Variants in VPS13B observed in about 807,000 individuals in gnomAD.
The protein encoded by VPS13B is intermembrane lipid transfer protein VPS13B.
Under a neutral mutation model 426.4 loss-of-function variants are expected in VPS13B, and 285 were observed. That is an observed-to-expected ratio of 0.67 (90% CI 0.61 to 0.74). The LOEUF (loss-of-function observed/expected upper bound fraction) is 0.74. VPS13B is among the 30% of genes least tolerant of loss of function. The pLI is 0.00. For synonymous variants in VPS13B, 1,676 were observed against 1,676.4 expected (o/e 1.00, Z 0.01); for missense variants, 4,537 against 4,782.6 (o/e 0.95, Z 1.51).
rs1820057085 is a variant in VPS13B at position 99,481,889 on chromosome 8, C to T, written c.3870+87C>T. ...TCATGGTTTAAAATGAAGATAACCT[C>T]ACTACTGTGAAAACTGATAGATTCT... On this transcript the variant is annotated intron_variant, in intron 25 of 61. Transcript: ENST00000357162. 4 of 1,452,742 alleles carry T rather than the reference C, an allele frequency of 2.8e-6. No individual in the cohort carries two copies. In the Admixed American group the frequency reaches 7.7e-5, roughly 28 times the overall value. 90.0% of individuals were successfully genotyped at this position (1,452,742 alleles called of 1,614,324 possible).
chr8:99,857,738 C>G (rs914989789), intron 56 of VPS13B, among the ~76,000 whole-genome samples: 1 of 152,208 alleles, frequency 6.6e-6, no homozygotes, highest in African/African-American at 2.4e-5. Context: ...GGTCCATTCC[C>G]TGACCCAGAC....
intron 22 of VPS13B, among the ~76,000 whole-genome samples, chr8:99,441,031 C>T (rs1204635257): frequency 6.6e-6 from 1 of 152,048 alleles, no homozygotes; most frequent in Non-Finnish European, 1.5e-5. Context: ...ATATAGACTT[C>T]TATTTCAGAA....
At chr8:99,800,930 A>T (rs764704008) in intron 43 of VPS13B, among the ~76,000 whole-genome samples, 20 of 152,178 alleles carry the variant, frequency 1.3e-4, no homozygotes, top group Non-Finnish European at 2.6e-4. Context: ...ACCCTGACTT[A>T]CCCAGGGAAA....
At chr8:99,758,567 A>G (rs1191701254) in intron 39 of VPS13B, among the ~76,000 whole-genome samples, 1 of 152,240 alleles carries the variant, frequency 6.6e-6, no homozygotes. Flanking sequence ...CCAGGCCTCA[A>G]GAAGTAGTAG....
At chr8:99,357,217 T>C (rs16897309) in intron 19 of VPS13B, among the ~76,000 whole-genome samples, 3,317 of 152,216 alleles carry the variant, frequency 0.022, 131 homozygotes, top group African/African-American at 0.076. Context: ...CAGACCTCTA[T>C]CTCCAGAAAG....
At chr8:99,193,944 C>T (rs1813748126) in intron 17 of VPS13B, among the ~76,000 whole-genome samples, 7 of 152,028 alleles carry the variant, frequency 4.6e-5, no homozygotes, top group Admixed American at 2.6e-4. Flanking sequence ...GGAGATGTGA[C>T]TCAAGTCTAA....
intron 33 of VPS13B, among the ~76,000 whole-genome samples, chr8:99,603,304 G>A (rs1827411497): frequency 6.6e-6 from 1 of 152,086 alleles, no homozygotes; most frequent in Non-Finnish European, 1.5e-5. Context: ...GACCCCCAGT[G>A]GATGCCTGAA....
chr8:99,373,588 G>A (rs1268567951), intron 19 of VPS13B, among the ~76,000 whole-genome samples: 1 of 152,200 alleles, frequency 6.6e-6, no homozygotes, highest in Admixed American at 6.5e-5. Context: ...TGTGGCTCAC[G>A]CCTATAATCT....
chr8:99,334,072 G>A (rs1186571463), intron 19 of VPS13B, among the ~76,000 whole-genome samples: 2 of 151,652 alleles, frequency 1.3e-5, no homozygotes, highest in Non-Finnish European at 2.9e-5. Flanking sequence ...CATTTCTATT[G>A]CATACATATT....
chr8:99,452,006 T>C (rs1818219233), intron 23 of VPS13B, among the ~76,000 whole-genome samples: 1 of 152,240 alleles, frequency 6.6e-6, no homozygotes. Flanking sequence ...TAGTTATTTT[T>C]GCGTGCAATC....
intron 35 of VPS13B, among the ~76,000 whole-genome samples, chr8:99,690,005 C>T (rs1244305403): frequency 6.6e-6 from 1 of 152,028 alleles, no homozygotes; most frequent in East Asian, 1.9e-4. Context: ...TGTTTTTGTT[C>T]TAATGATCAT....
At chr8:99,420,214 T>C (rs1234577052) in intron 21 of VPS13B, among the ~76,000 whole-genome samples, 2 of 152,194 alleles carry the variant, frequency 1.3e-5, no homozygotes, top group African/African-American at 4.8e-5. Context: ...CTTTTTGATA[T>C]GATGAAGTAA....
chr8:99,121,573 C>T (rs1057277446), intron 8 of VPS13B, 128 bp downstream of exon 8: 1 of 1,479,580 alleles, frequency 6.8e-7, no homozygotes, highest in South Asian at 1.5e-5. Context: ...TCTAACAGTT[C>T]TTACTTCATA....
chr8:99,600,319 C>A (rs1827225660), intron 33 of VPS13B, among the ~76,000 whole-genome samples: 2 of 152,028 alleles, frequency 1.3e-5, no homozygotes, highest in African/African-American at 4.8e-5. Context: ...ATTATCAAAG[C>A]CAGGTGGGCA....
chr8:99,104,768 C>T (rs562908256), intron 5 of VPS13B, among the ~76,000 whole-genome samples: 21 of 152,074 alleles, frequency 1.4e-4, no homozygotes, highest in African/African-American at 3.6e-4. Context: ...GGACCACAGG[C>T]GTGCACTACC....
intron 36 of VPS13B, among the ~76,000 whole-genome samples, chr8:99,707,923 C>T (rs1832554624): frequency 6.6e-6 from 1 of 152,146 alleles, no homozygotes; most frequent in Admixed American, 6.6e-5. Context: ...TTTTCTAAGG[C>T]ACTGCAGTAA....
chr8:99,738,510 C>A (rs945567199), intron 39 of VPS13B, among the ~76,000 whole-genome samples: 1 of 152,192 alleles, frequency 6.6e-6, no homozygotes, highest in African/African-American at 2.4e-5. Flanking sequence ...TAAGAAAATT[C>A]AGAGCTTAAC....
At chr8:99,822,979 A>T (rs976917933) in intron 50 of VPS13B, among the ~76,000 whole-genome samples, 3 of 152,180 alleles carry the variant, frequency 2.0e-5, no homozygotes, top group African/African-American at 7.2e-5. Flanking sequence ...ATGCCCAGAG[A>T]TCCCCTGTGG....
chr8:99,629,538 A>G lies in VPS13B; in HGVS notation c.5221-12273A>G, dbSNP rs903528549. Among the ~76,000 whole-genome samples, 35 of 152,306 alleles carry G rather than the reference A, an allele frequency of 2.3e-4. 1 individual carries two copies. The highest frequency in any genetic ancestry group is 3.4e-3 in the Middle Eastern group (1 of 294). On this transcript the variant is annotated intron_variant, in intron 33 of 61. Transcript: ENST00000357162. The stretch of plus-strand genomic sequence containing the variant: ...GGAAGAGAGCAGTTATTGTGGGCTC[A>G]TAAAGAGAAGGCCTCTCGGAGGAAA...
Sources: gnomAD v4.1 joint callset for allele counts (sites outside exome capture counted in the v4.1 genomes callset) on GRCh38, gnomAD v4.1.1 for gene constraint, MANE v1.5 for transcripts, NCBI Gene and HGNC (gene_info 2026-07-23, HGNC 2026-07-21) for gene names.